ARHGAP29: variants seen among roughly 807,000 people sequenced by gnomAD.
ARHGAP29 encodes Rho GTPase activating protein 29.
ARHGAP29 carries 43 observed loss-of-function variants against 122.6 expected under a neutral mutation model. That is an observed-to-expected ratio of 0.35 (90% CI 0.27 to 0.45). ARHGAP29 has a LOEUF of 0.45. Ranked by LOEUF, ARHGAP29 falls within the 20% of genes least tolerant of loss-of-function variation. The pLI, the probability that ARHGAP29 is intolerant of heterozygous loss-of-function variation, is 1.00. For synonymous variants in ARHGAP29, 506 were observed against 497.1 expected (o/e 1.02, Z -0.24); for missense variants, 1,303 against 1,477.2 (o/e 0.88, Z 1.93).
intron 15 of ARHGAP29, 68 bp downstream of exon 15, chr1:94,188,769 T>TA (rs1474992687): frequency 3.0e-6 from 4 of 1,316,524 alleles, no homozygotes; most frequent in African/African-American, 1.5e-5. Context: ...ACAAGGTAGT[T>TA]AAAAAATACC....
chr1:94,266,580 C>T (rs1315926486), intron 1 of ARHGAP29, among the ~76,000 whole-genome samples: 1 of 152,136 alleles, frequency 6.6e-6, no homozygotes, highest in Non-Finnish European at 1.5e-5. Context: ...TGCTTCTTTT[C>T]ACCTGCATTG....
chr1:94,200,811 T>C (rs1463870335), intron 12 of ARHGAP29, among the ~76,000 whole-genome samples: 2 of 152,212 alleles, frequency 1.3e-5, no homozygotes, highest in South Asian at 2.1e-4. Flanking sequence ...TTCACTTGTA[T>C]GACAATCTGG....
chr1:94,306,160 T>C, the ARHGAP29 span, among the ~76,000 whole-genome samples: 1 of 152,214 alleles, frequency 6.6e-6, no homozygotes, highest in Non-Finnish European at 1.5e-5. Context: ...TGGGTATCAT[T>C]GGGATTGGCA....
chr1:94,269,704 A>G (rs1387335727), intron 1 of ARHGAP29, among the ~76,000 whole-genome samples: 3 of 152,202 alleles, frequency 2.0e-5, no homozygotes. Flanking sequence ...ATTATTGAGC[A>G]CCTACTGTGT....
chr1:94,297,648 G>A, the ARHGAP29 span, among the ~76,000 whole-genome samples: 2 of 152,144 alleles, frequency 1.3e-5, no homozygotes, highest in Non-Finnish European at 2.9e-5. Flanking sequence ...AGGGAGTTAC[G>A]CTCGTCAGTC....
chr1:94,212,013 A>G (rs1651649774), intron 3 of ARHGAP29, among the ~76,000 whole-genome samples: 1 of 152,184 alleles, frequency 6.6e-6, no homozygotes, highest in Admixed American at 6.5e-5. Flanking sequence ...AAGGAAATTA[A>G]AAAGTATTCT....
chr1:94,173,590 A>C lies in ARHGAP29; in HGVS notation c.*279T>G. On this transcript the variant is annotated 3_prime_UTR_variant, in exon 23 of 23. Coordinates refer to ENST00000260526, the MANE Select transcript of ARHGAP29 (RefSeq NM_004815.4). The stretch of plus-strand genomic sequence containing the variant: ...ATTCAAATGGACCATTTGGTGGGGA[A>C]AGTCAACTGAACTTTAAAAAATACG... 3.2e-6 allele frequency: 1 copy of C among 309,178 alleles called. No individual in the cohort carries two copies. The highest frequency in any genetic ancestry group is 6.0e-6 in the Non-Finnish European group (1 of 166,510). The allele number at this position is 309,178 out of a possible 1,614,324, so 19.2% of individuals were successfully genotyped here. A position where few individuals can be genotyped will look rare whatever the true frequency, so the allele number is the denominator to read the frequency against.
chr1:94,244,365 G>GA (rs1422496895), intron 1 of ARHGAP29, among the ~76,000 whole-genome samples: 1 of 151,910 alleles, frequency 6.6e-6, no homozygotes, highest in Non-Finnish European at 1.5e-5. Flanking sequence ...ACATTCACTA[G>GA]AAAAAAACCA....
chr1:94,174,669 A>G lies in ARHGAP29; in HGVS notation c.2986T>C (p.Ser996Pro), dbSNP rs1648977636. The G allele has an allele frequency of 6.2e-7, 1 of 1,614,060 alleles. No homozygotes were observed. The highest frequency in any genetic ancestry group is 8.5e-7 in the Non-Finnish European group (1 of 1,180,018). ...TTTGTTGACCTATCAGATTTCAGAGAAAGTGGCTTAGGGGTTTTACCATCT... is the reference window on the plus strand; with the variant it reads ...TTTGTTGACCTATCAGATTTCAGAGGAAGTGGCTTAGGGGTTTTACCATCT... ...IEDGKTPKPL[S>P]LKSDRSTNNV... The change falls in exon 23 of 23, where the codon TCT (serine) becomes CCT (proline). Residue 996 changes from serine to proline, a missense_variant. Coordinates refer to ENST00000260526, the MANE Select transcript of ARHGAP29 (RefSeq NM_004815.4).
chr1:94,246,893 G>A (rs1004711726), intron 1 of ARHGAP29, among the ~76,000 whole-genome samples: 2 of 152,178 alleles, frequency 1.3e-5, no homozygotes, highest in Admixed American at 6.5e-5. Context: ...GGAAGGGCGA[G>A]ACCAGGCAGT....
At chr1:94,186,435 T>C (rs1649806165) in intron 16 of ARHGAP29, 64 bp downstream of exon 16, 1 of 1,135,102 alleles carries the variant, frequency 8.8e-7, no homozygotes, top group Non-Finnish European at 1.3e-6. Context: ...ACTATTTATC[T>C]AATATCATGC....
At chr1:94,301,459 C>T in the ARHGAP29 span, among the ~76,000 whole-genome samples, 3 of 152,194 alleles carry the variant, frequency 2.0e-5, no homozygotes, top group Admixed American at 2.0e-4. Flanking sequence ...CCTACAACTC[C>T]TGACTCACAA....
At chr1:94,266,301 G>C (rs979737218) in intron 1 of ARHGAP29, among the ~76,000 whole-genome samples, 11 of 152,244 alleles carry the variant, frequency 7.2e-5, no homozygotes, top group African/African-American at 2.6e-4. Flanking sequence ...CTTATTCCTT[G>C]GTTTCCTCCT....
At chr1:94,177,466 C>A in intron 22 of ARHGAP29, 146 bp downstream of exon 22, 1 of 525,890 alleles carries the variant, frequency 1.9e-6, no homozygotes, top group Non-Finnish European at 3.2e-6. Flanking sequence ...TAAAAGGCAA[C>A]TTTCTCAATG....
intron 1 of ARHGAP29, among the ~76,000 whole-genome samples, chr1:94,249,136 T>A (rs1012133617): frequency 1.3e-5 from 2 of 152,228 alleles, no homozygotes; most frequent in African/African-American, 4.8e-5. Context: ...CTCCACCAAA[T>A]CCTCTAACAC....
rs773448719 is a variant in ARHGAP29, at chr1:94,177,870, T to A, written c.2778A>T (p.Leu926=). 6.7e-5 allele frequency: 108 copies of A among 1,608,232 alleles called. No individual in the cohort carries two copies. The highest frequency in any genetic ancestry group is 9.0e-5 in the Non-Finnish European group (106 of 1,178,288). The part of the protein sequence containing the change: ...ERDIERSMKS[L]FFSSKEDIHT... Reference sequence around the variant, plus strand: ...AACTCACTTCCTTTGAAGAAAAAAATAGTGACTTCATGGAACGTTCAATGT... The same window carrying A: ...AACTCACTTCCTTTGAAGAAAAAAAAAGTGACTTCATGGAACGTTCAATGT... The change falls in exon 21 of 23, where the codon CTA becomes CTT. Residue 926 remains leucine (L), a synonymous_variant. Coordinates refer to ENST00000260526, the MANE Select transcript of ARHGAP29 (RefSeq NM_004815.4).
intron 1 of ARHGAP29, among the ~76,000 whole-genome samples, chr1:94,255,355 C>G (rs1654297810): frequency 6.6e-6 from 1 of 152,154 alleles, no homozygotes; most frequent in Non-Finnish European, 1.5e-5. Context: ...CTTCTAGCCT[C>G]CAGAACTGTA....
intron 19 of ARHGAP29, among the ~76,000 whole-genome samples, chr1:94,180,933 G>A (rs1649415293): frequency 6.6e-6 from 1 of 152,114 alleles, no homozygotes; most frequent in African/African-American, 2.4e-5. Flanking sequence ...GTCATTCAAA[G>A]GTATTTGGCC....
At chr1:94,186,706 A>G (rs947198670) in intron 15 of ARHGAP29, 109 bp from the exon 16 acceptor site, 6 of 828,686 alleles carry the variant, frequency 7.2e-6, no homozygotes, top group African/African-American at 1.7e-5. Context: ...ATTAGCTTCA[A>G]TGTAAAAATT....
Sources: gnomAD v4.1 joint callset for allele counts (sites outside exome capture counted in the v4.1 genomes callset) on GRCh38, gnomAD v4.1.1 for gene constraint, MANE v1.5 for transcripts, NCBI Gene and HGNC (gene_info 2026-07-23, HGNC 2026-07-21) for gene names.